VSTM4: variants seen among roughly 807,000 people sequenced by gnomAD.
VSTM4 encodes the protein V-set and transmembrane domain containing 4.
VSTM4 carries 20 observed loss-of-function variants against 36.4 expected under a neutral mutation model. The observed-to-expected ratio is 0.55, with a 90% CI of 0.39 to 0.80. The LOEUF (loss-of-function observed/expected upper bound fraction) is 0.80, where lower values mean the gene tolerates loss of function less well. VSTM4 is among the 30% of genes least tolerant of loss of function. VSTM4 has a pLI of 0.00. For synonymous variants in VSTM4, 182 were observed against 173.9 expected (o/e 1.05, Z -0.37); for missense variants, 392 against 404.5 (o/e 0.97, Z 0.26).
rs1348688651 is a variant in VSTM4 at position 49,019,856 on chromosome 10, C to G, written c.838-81G>C. ...ATCACACATTCATTCATCAAGTATG[C>G]ATGTTCATAGCATTTTGGGATTCAG... On this transcript the variant is annotated intron_variant, in intron 7 of 7. Transcript: ENST00000332853. 4.6e-6 allele frequency: 7 copies of G among 1,508,390 alleles called. No individual in the cohort carries two copies. In the South Asian group the frequency reaches 6.7e-5, roughly 14 times the overall value. The allele number at this position is 1,508,390 out of a possible 1,614,324, so 93.4% of individuals were successfully genotyped here.
chr10:49,019,826 T>A (rs1843155937), intron 7 of VSTM4, 51 bp from the exon 8 acceptor site: 5 of 1,567,926 alleles, frequency 3.2e-6, no homozygotes, highest in Non-Finnish European at 4.3e-6. Flanking sequence ...CCACAGGAGC[T>A]CTACATCACA....
chr10:49,033,336 A>C (rs1234205555), intron 7 of VSTM4, among the ~76,000 whole-genome samples: 1 of 152,246 alleles, frequency 6.6e-6, no homozygotes. Flanking sequence ...CTTGGCACAC[A>C]GAAATGGATT....
rs1446523826 is a variant in VSTM4, at chr10:49,107,804, C to A, written c.247G>T (p.Val83Leu). ...CTGAAATTCCCATAGTACTGCACCA[C>A]CCGGAGCTTGGTCATCTTCACCATC... ...ALMVKMTKLRVVQYYGNFSRS... is the reference protein window; with the variant it reads ...ALMVKMTKLRLVQYYGNFSRS... Residue 83 changes from valine (V) to leucine (L), a missense_variant, in exon 2 of 8, where the codon GTG becomes TTG. Physicochemically the swap from Val to Leu is conservative, Grantham distance 32. Transcript: ENST00000332853. 6.2e-7 allele frequency: 1 copy of A among 1,614,266 alleles called. No individual in the cohort carries two copies. Among genetic ancestry groups the A allele is most frequent in the Non-Finnish European group, 8.5e-7 (1 of 1,180,050 alleles).
chr10:49,088,243 A>T (rs1844408491), intron 2 of VSTM4, among the ~76,000 whole-genome samples: 1 of 152,118 alleles, frequency 6.6e-6, no homozygotes. Context: ...TATTCCTATC[A>T]CTGGGCACAT....
Position 49,019,431 on chromosome 10 carries a change from C to A in VSTM4, c.*219G>T. The A allele has an allele frequency of 2.2e-6, 1 of 444,726 alleles. No homozygotes were observed. The highest frequency in any genetic ancestry group is 3.5e-6 in the Non-Finnish European group (1 of 281,824). The allele number at this position is 444,726 out of a possible 1,614,324, so 27.5% of individuals were successfully genotyped here. On this transcript the variant is annotated 3_prime_UTR_variant, in exon 8 of 8. Transcript: ENST00000332853. ...CTTACGCTCAGGGCTCAAACCCAGG[C>A]GCATCTTGTCCCGGGAGATCTGTCA...
At chr10:49,107,318 T>C (rs1322443088) in intron 2 of VSTM4, among the ~76,000 whole-genome samples, 5 of 152,228 alleles carry the variant, frequency 3.3e-5, no homozygotes, top group African/African-American at 1.2e-4. Context: ...TTCAGACACA[T>C]AAGAGGCTTT....
chr10:49,085,568 C>A (rs1195766495), intron 3 of VSTM4, among the ~76,000 whole-genome samples: 2 of 152,196 alleles, frequency 1.3e-5, no homozygotes, highest in South Asian at 2.1e-4. Flanking sequence ...ATTATGTGGA[C>A]TGGTGCTTTA....
At chr10:49,070,520 A>G (rs1041093593) in intron 4 of VSTM4, among the ~76,000 whole-genome samples, 2 of 152,136 alleles carry the variant, frequency 1.3e-5, no homozygotes, top group Admixed American at 6.5e-5. Context: ...GTGAAGGGGC[A>G]CCCCAGGAAG....
At chr10:49,079,636 T>C (rs1185320404) in intron 3 of VSTM4, among the ~76,000 whole-genome samples, 1 of 152,166 alleles carries the variant, frequency 6.6e-6, no homozygotes, top group Non-Finnish European at 1.5e-5. Flanking sequence ...AAAGGCTTTC[T>C]CTTCAAGAAA....
At chr10:49,072,538 T>C (rs1010232189) in intron 4 of VSTM4, among the ~76,000 whole-genome samples, 9 of 152,036 alleles carry the variant, frequency 5.9e-5, no homozygotes, top group African/African-American at 2.2e-4. Context: ...CTCCTTTGAG[T>C]GGTGATTTAA....
chr10:49,098,461 C>T (rs1434402225), intron 2 of VSTM4, among the ~76,000 whole-genome samples: 1 of 152,248 alleles, frequency 6.6e-6, no homozygotes, highest in African/African-American at 2.4e-5. Flanking sequence ...CCCATTCCTA[C>T]TGCCAAAGTT....
chr10:49,110,829 G>T (rs76098606), intron 1 of VSTM4, among the ~76,000 whole-genome samples: 6 of 152,262 alleles, frequency 3.9e-5, no homozygotes, highest in Non-Finnish European at 5.9e-5. Flanking sequence ...TCCAAAATGT[G>T]ATGTTTCTGT....
intron 1 of VSTM4, among the ~76,000 whole-genome samples, chr10:49,114,218 A>C (rs1220879321): frequency 6.6e-6 from 1 of 152,194 alleles, no homozygotes; most frequent in Non-Finnish European, 1.5e-5. Flanking sequence ...ACCTGGCTGC[A>C]CTCATAGCTG....
chr10:49,104,953 GGAGA>G lies in VSTM4; in HGVS notation c.457+2637_457+2640del, dbSNP rs1844741158. 2.8e-5 allele frequency among the ~76,000 whole-genome samples: 4 copies of G among 142,870 alleles called. No homozygotes were observed. In the South Asian group the frequency reaches 9.7e-4, roughly 34 times the overall value. The allele number at this position is 142,870 out of a possible 152,430, so 93.7% of individuals were successfully genotyped here. A position where few individuals can be genotyped will look rare whatever the true frequency, so the allele number is the denominator to read the frequency against. ...GAAACAGTGAGAGAAAGACACAGAGGGAGAGAGACAGAGAGACACAGAGGGAGAC... is the reference window on the plus strand; with the variant it reads ...GAAACAGTGAGAGAAAGACACAGAGGGAGACAGAGAGACACAGAGGGAGAC... On this transcript the variant is annotated intron_variant, in intron 2 of 7. Transcript: ENST00000332853.
chr10:49,026,081 G>C (rs979148128), intron 7 of VSTM4, among the ~76,000 whole-genome samples: 3 of 152,192 alleles, frequency 2.0e-5, no homozygotes, highest in Non-Finnish European at 4.4e-5. Context: ...TACTAGGTCT[G>C]CGTGCTCGGA....
intron 3 of VSTM4, among the ~76,000 whole-genome samples, chr10:49,080,787 T>C (rs1844264501): frequency 6.6e-6 from 1 of 152,174 alleles, no homozygotes; most frequent in Admixed American, 6.5e-5. Context: ...TGGGAAAGTC[T>C]TGGAGGAAAG....
intron 3 of VSTM4, among the ~76,000 whole-genome samples, chr10:49,080,152 T>G (rs1215530760): frequency 6.6e-6 from 1 of 152,196 alleles, no homozygotes; most frequent in African/African-American, 2.4e-5. Context: ...GTTCTCAAGA[T>G]TAAGTTCCTA....
chr10:49,032,528 G>A (rs188791906), intron 7 of VSTM4, among the ~76,000 whole-genome samples: 2 of 152,302 alleles, frequency 1.3e-5, no homozygotes, highest in Admixed American at 6.5e-5. Context: ...AGAGAGGCTC[G>A]AGGATGCTGC....
At chr10:49,092,602 C>T (rs977430129) in intron 2 of VSTM4, among the ~76,000 whole-genome samples, 6 of 152,192 alleles carry the variant, frequency 3.9e-5, no homozygotes, top group South Asian at 2.1e-4. Flanking sequence ...GGGGAAGGGG[C>T]GTGCTGGGTA....
Sources: allele counts gnomAD v4.1 joint callset (sites outside exome capture counted in the v4.1 genomes callset), GRCh38; gene constraint gnomAD v4.1.1; transcripts MANE v1.5; gene names NCBI Gene and HGNC (gene_info 2026-07-23, HGNC 2026-07-21).